MTR: variants seen among roughly 807,000 people sequenced by gnomAD.
The protein encoded by MTR is 5-methyltetrahydrofolate-homocysteine methyltransferase.
MTR carries 84 observed loss-of-function variants against 154.8 expected under a neutral mutation model. That is an observed-to-expected ratio of 0.54 (90% CI 0.45 to 0.65). The LOEUF (loss-of-function observed/expected upper bound fraction) is 0.65, where lower values mean the gene tolerates loss of function less well. MTR is among the 30% of genes least tolerant of loss of function. The pLI, the probability that MTR is intolerant of heterozygous loss-of-function variation, is 0.00. For missense variants in MTR, 1,275 were observed against 1,570.2 expected, an observed-to-expected ratio of 0.81 and a Z score of 3.18; for synonymous variants, 554 against 553.9, an observed-to-expected ratio of 1.00 and a Z score of 0.00.
chr1:236,846,868 C>A (rs879902790), intron 15 of MTR, among the ~76,000 whole-genome samples: 15 of 151,956 alleles, frequency 9.9e-5, no homozygotes, highest in Non-Finnish European at 1.5e-4. Flanking sequence ...TCCATCACTT[C>A]TGTTTTTTTT....
chr1:236,877,898 T>C (rs574986614), intron 24 of MTR, among the ~76,000 whole-genome samples: 3 of 152,362 alleles, frequency 2.0e-5, no homozygotes, highest in South Asian at 4.1e-4. Flanking sequence ...TCCCTTGTCA[T>C]GGGTGTAGTA....
Position 236,825,418 on chromosome 1 carries a change from A to G in MTR, c.927+19A>G. Reference sequence around the variant, plus strand: ...CCTAAAGGTCAGGGGTCCCCCTTTCACTGGCTTTTTAAGAGAGACAGAAAG... The same window carrying G: ...CCTAAAGGTCAGGGGTCCCCCTTTCGCTGGCTTTTTAAGAGAGACAGAAAG... On this transcript the variant is annotated intron_variant, in intron 10 of 32. Transcript: ENST00000366577. 1.3e-6 allele frequency: 2 copies of G among 1,596,382 alleles called. No individual in the cohort carries two copies. The highest frequency in any genetic ancestry group is 1.7e-6 in the Non-Finnish European group (2 of 1,164,024).
chr1:236,842,627 C>CA (rs1174049957), intron 15 of MTR, among the ~76,000 whole-genome samples: 3 of 151,860 alleles, frequency 2.0e-5, no homozygotes, highest in African/African-American at 7.3e-5. Context: ...TTTAATGAAG[C>CA]AAATATCTTC....
At chr1:236,896,858 G>T in intron 31 of MTR, 148 bp from the exon 32 acceptor site, 1 of 759,586 alleles carries the variant, frequency 1.3e-6, no homozygotes, top group Non-Finnish European at 2.4e-6. Context: ...TCTGATCACA[G>T]CTTTCATGCT....
chr1:236,811,665 C>G (rs1661311122), intron 5 of MTR: 4 of 456,186 alleles, frequency 8.8e-6, no homozygotes, highest in African/African-American at 4.0e-5. Flanking sequence ...GGGGAGCTAA[C>G]TTACCCTTGC....
At chr1:236,803,354 TTC>T in intron 1 of MTR, 72 bp from the exon 2 acceptor site, 1 of 1,372,330 alleles carries the variant, frequency 7.3e-7, no homozygotes, top group East Asian at 2.3e-5. Flanking sequence ...TATTATAAAT[TTC>T]TCTAAAGCTC....
chr1:236,800,228 G>T, intron 1 of MTR: 10 of 985,366 alleles, frequency 1.0e-5, no homozygotes, highest in Non-Finnish European at 1.1e-5. Context: ...GATTGATATT[G>T]ATTAATCATT....
At chr1:236,838,911 T>C (rs756451594) in intron 15 of MTR, among the ~76,000 whole-genome samples, 2 of 152,210 alleles carry the variant, frequency 1.3e-5, no homozygotes, top group African/African-American at 2.4e-5. Flanking sequence ...ATATAGTGTG[T>C]TGTTTCTATG....
rs868422449 is a variant in MTR, at chr1:236,819,984, C to T, written c.764+3441C>T. 6.3e-5 allele frequency: 72 copies of T among 1,139,654 alleles called. No individual in the cohort carries two copies. In the Middle Eastern group the frequency reaches 8.4e-4, roughly 13 times the overall value. The allele number at this position is 1,139,654 out of a possible 1,614,324, so 70.6% of individuals were successfully genotyped here. ...CACTAACCAGATCCAGGCAGCCTTC[C>T]GGGAGCCATGGCTTCTTGTGGTTAC... On this transcript the variant is annotated intron_variant, in intron 8 of 32. Transcript: ENST00000366577.
Position 236,895,346 on chromosome 1 carries a change from T to C in MTR, c.3406-12T>C. 6.3e-7 allele frequency: 1 copy of C among 1,586,186 alleles called. No individual in the cohort carries two copies. ...CGTCTGCCTAAGCATGCCTGCTGCT[T>C]TGGGTCCCAAGGCCTTTGCAGAAGA... is the stretch of plus-strand genomic sequence containing the variant. On this transcript the variant is annotated splice_polypyrimidine_tract_variant and intron_variant, in intron 30 of 32. Transcript: ENST00000366577.
chr1:236,853,272 C>A (rs1664024064), intron 18 of MTR, among the ~76,000 whole-genome samples, 184 bp downstream of exon 18: 1 of 152,108 alleles, frequency 6.6e-6, no homozygotes, highest in Non-Finnish European at 1.5e-5. Context: ...GGTAAACAGA[C>A]CATGCCTAGG....
At position 236,803,633 on chromosome 1, in the gene MTR, A is replaced by T; in HGVS notation, c.240A>T (p.Gln80His). ...LSITQPDVIY[Q>H]IHKEYLLAGA... ...TAACTCAGCCTGATGTCATTTACCA[A>T]ATCCATAAGGTAAAGTATTCCCAGG... is the stretch of plus-strand genomic sequence containing the variant. Residue 80 changes from glutamine (Q) to histidine (H), a missense_variant, in exon 2 of 33, where the codon CAA (glutamine) becomes CAT (histidine). Transcript: ENST00000366577. 6.2e-7 allele frequency: 1 copy of T among 1,613,674 alleles called. No individual in the cohort carries two copies. The highest frequency in any genetic ancestry group is 8.5e-7 in the Non-Finnish European group (1 of 1,179,624).
intron 22 of MTR, among the ~76,000 whole-genome samples, chr1:236,865,940 T>C (rs1019101212): frequency 1.3e-5 from 2 of 152,212 alleles, no homozygotes; most frequent in African/African-American, 4.8e-5. Context: ...ACTTGAGAGA[T>C]TTCATCATAG....
At chr1:236,888,670 ATGTGT>A (rs1666152235) in intron 27 of MTR, among the ~76,000 whole-genome samples, 1 of 152,216 alleles carries the variant, frequency 6.6e-6, no homozygotes, top group South Asian at 2.1e-4. Context: ...GAAGTCCCAC[ATGTGT>A]CCCTTCCTCC....
chr1:236,871,699 C>A (rs1171502578), intron 22 of MTR, among the ~76,000 whole-genome samples: 2 of 152,162 alleles, frequency 1.3e-5, no homozygotes, highest in Non-Finnish European at 2.9e-5. Context: ...CTCACTCCTG[C>A]TATAACCTGC....
At chr1:236,857,470 A>G (rs540664441) in intron 18 of MTR, among the ~76,000 whole-genome samples, 8 of 152,324 alleles carry the variant, frequency 5.3e-5, no homozygotes, top group African/African-American at 1.7e-4. Context: ...TGCCCATGCA[A>G]TTGCCTGGAA....
chr1:236,807,917 C>G (rs1572188590), intron 3 of MTR, among the ~76,000 whole-genome samples: 1 of 152,170 alleles, frequency 6.6e-6, no homozygotes, highest in African/African-American at 2.4e-5. Context: ...TACTTTATCC[C>G]AGTAAAACTA....
intron 15 of MTR, 52 bp from the exon 16 acceptor site, chr1:236,850,292 T>A: frequency 1.6e-6 from 2 of 1,276,384 alleles, no homozygotes; most frequent in South Asian, 3.2e-5. Context: ...ATATTAATAT[T>A]TTAATAGATA....
At chr1:236,825,800 G>A (rs1265251876) in intron 10 of MTR, among the ~76,000 whole-genome samples, 1 of 152,182 alleles carries the variant, frequency 6.6e-6, no homozygotes, top group Non-Finnish European at 1.5e-5. Context: ...ACTGGCCATT[G>A]TTAAATCCTA....
Sources: gnomAD v4.1 joint callset for allele counts (sites outside exome capture counted in the v4.1 genomes callset) on GRCh38, gnomAD v4.1.1 for gene constraint, MANE v1.5 for transcripts, NCBI Gene and HGNC (gene_info 2026-07-23, HGNC 2026-07-21) for gene names.